The following MLIP variants were observed in gnomAD, a reference collection of about 807,000 sequenced individuals.
The protein encoded by MLIP is muscular LMNA-interacting protein.
MLIP carries 79 observed loss-of-function variants against 84.8 expected under a neutral mutation model. The ratio of observed to expected loss-of-function variants is 0.93; its 90% CI spans 0.78 to 1.12. The LOEUF (loss-of-function observed/expected upper bound fraction) is 1.12, where lower values mean the gene tolerates loss of function less well. Ranked by LOEUF, MLIP falls within the 50% of genes most tolerant of loss-of-function variation. The pLI, the probability that MLIP is intolerant of heterozygous loss-of-function variation, is 0.00. For missense variants in MLIP, 1,257 were observed against 1,160.6 expected (o/e 1.08, Z -1.21); for synonymous variants, 504 against 463.0 (o/e 1.09, Z -1.14).
In MLIP at chr6:54,253,452, C is replaced by T. The variant is rs188955192; in HGVS notation, c.2923-3856C>T. ...ATGTTAAAACTTCCCGTAACACTCC[C>T]TCAGCTTCACAATTTCGGGCAGTCC... On this transcript the variant is annotated intron_variant, in intron 12 of 13. Coordinates refer to ENST00000502396, the MANE Select transcript of MLIP (RefSeq NM_001281747.2). Among the ~76,000 whole-genome samples, 91 of 152,268 alleles carry T rather than the reference C, an allele frequency of 6.0e-4. 1 individual carries two copies. Among genetic ancestry groups the T allele is most frequent in the African/African-American group, 2.1e-3 (89 of 41,552 alleles).
chr6:54,215,036 G>C, intron 11 of MLIP: 1 of 742,332 alleles, frequency 1.3e-6, no homozygotes, highest in Non-Finnish European at 2.2e-6. Context: ...ATTCTAGTAA[G>C]TTCTCAATAT....
intron 9 of MLIP, among the ~76,000 whole-genome samples, chr6:54,173,396 A>T (rs1775963069): frequency 6.6e-6 from 1 of 151,846 alleles, no homozygotes; most frequent in African/African-American, 2.4e-5. Flanking sequence ...CTAAACTTAG[A>T]AGGAATAATT....
intron 12 of MLIP, among the ~76,000 whole-genome samples, chr6:54,252,374 CTATAA>C (rs1782681181): frequency 1.1e-5 from 1 of 93,400 alleles, no homozygotes; most frequent in East Asian, 3.0e-4. Flanking sequence ...TACTATATAA[CTATAA>C]TATATTATAA....
chr6:54,220,701 A>T (rs1175986012), intron 11 of MLIP, among the ~76,000 whole-genome samples: 1 of 150,092 alleles, frequency 6.7e-6, no homozygotes, highest in Non-Finnish European at 1.5e-5. Context: ...AGAAAGTGAC[A>T]TTTGAAATAT....
At chr6:54,050,437 C>T (rs1765311713) in intron 1 of MLIP, among the ~76,000 whole-genome samples, 1 of 152,052 alleles carries the variant, frequency 6.6e-6, no homozygotes, top group Non-Finnish European at 1.5e-5. Flanking sequence ...GTGTTTAGTA[C>T]TCTTTTTTGG....
chr6:54,142,713 A>G (rs1048425347), intron 4 of MLIP, among the ~76,000 whole-genome samples: 1 of 152,208 alleles, frequency 6.6e-6, no homozygotes. Context: ...TCACTGCTAA[A>G]TAAGAATAGA....
At chr6:54,020,100 T>C (rs1763412361) in intron 1 of MLIP, among the ~76,000 whole-genome samples, 1 of 152,232 alleles carries the variant, frequency 6.6e-6, no homozygotes, top group African/African-American at 2.4e-5. Flanking sequence ...AAAGGCCATG[T>C]GTCCTTGTAG....
chr6:54,163,041 A>C (rs1774814996), intron 8 of MLIP, among the ~76,000 whole-genome samples: 1 of 152,002 alleles, frequency 6.6e-6, no homozygotes, highest in Non-Finnish European at 1.5e-5. Flanking sequence ...AGTCTAAAGA[A>C]GTGTTTATTA....
intron 1 of MLIP, among the ~76,000 whole-genome samples, chr6:54,118,120 G>C (rs139538524): frequency 1.3e-5 from 2 of 152,278 alleles, no homozygotes; most frequent in East Asian, 3.9e-4. Context: ...CAGATTCAAC[G>C]CAACTCCTAT....
intron 5 of MLIP, among the ~76,000 whole-genome samples, chr6:54,150,050 G>C (rs1773277454): frequency 6.6e-6 from 1 of 152,054 alleles, no homozygotes; most frequent in African/African-American, 2.4e-5. Context: ...AACGTTGTTT[G>C]CCAACCAGGT....
chr6:54,198,822 G>A (rs546420423), intron 10 of MLIP, among the ~76,000 whole-genome samples: 6 of 152,160 alleles, frequency 3.9e-5, no homozygotes, highest in African/African-American at 1.2e-4. Flanking sequence ...GGAATTTGAT[G>A]TCTTGGCCAT....
At chr6:54,172,509 G>A (rs1002332576) in intron 9 of MLIP, among the ~76,000 whole-genome samples, 1 of 151,534 alleles carries the variant, frequency 6.6e-6, no homozygotes, top group African/African-American at 2.4e-5. Context: ...AAATGAGAAA[G>A]ACACTTTATT....
chr6:54,146,704 C>A (rs1772875784), intron 4 of MLIP, among the ~76,000 whole-genome samples: 1 of 152,166 alleles, frequency 6.6e-6, no homozygotes, highest in South Asian at 2.1e-4. Flanking sequence ...TATATCACTT[C>A]TTATGGTAAG....
chr6:54,249,732 C>CAT lies in MLIP; in HGVS notation c.2923-7575_2923-7574insTA, dbSNP rs761644366. Among the ~76,000 whole-genome samples, 327 of 139,728 alleles carry CAT rather than the reference C, an allele frequency of 2.3e-3. 1 individual carries two copies. The highest frequency in any genetic ancestry group is 8.5e-3 in the African/African-American group (282 of 33,368). The allele number at this position is 139,728 out of a possible 152,430, so 91.7% of individuals were successfully genotyped here. ...AGGAACACACACACACACACACACA[C>CAT]ACATATATATATATACACACACACA... On this transcript the variant is annotated intron_variant, in intron 12 of 13. Coordinates refer to ENST00000502396, the MANE Select transcript of MLIP (RefSeq NM_001281747.2).
At chr6:54,188,021 A>G (rs1270563939) in intron 9 of MLIP, among the ~76,000 whole-genome samples, 1 of 152,184 alleles carries the variant, frequency 6.6e-6, no homozygotes, top group African/African-American at 2.4e-5. Context: ...AAAAAAATGT[A>G]TATACATTAA....
chr6:54,141,061 T>C (rs1256935084), intron 4 of MLIP, among the ~76,000 whole-genome samples: 3 of 152,134 alleles, frequency 2.0e-5, no homozygotes, highest in Non-Finnish European at 1.5e-5. Context: ...GGATATTAGT[T>C]TAAAGTCTGG....
chr6:54,049,143 A>G (rs1416036006), intron 1 of MLIP, among the ~76,000 whole-genome samples: 1 of 152,200 alleles, frequency 6.6e-6, no homozygotes, highest in African/African-American at 2.4e-5. Context: ...GACCTTGGCT[A>G]ATGAACTAGA....
chr6:54,165,736 T>A (rs1775112269), intron 8 of MLIP, among the ~76,000 whole-genome samples: 1 of 151,868 alleles, frequency 6.6e-6, no homozygotes, highest in Non-Finnish European at 1.5e-5. Context: ...AAGTACTAAT[T>A]CTAGAGAAGA....
intron 1 of MLIP, among the ~76,000 whole-genome samples, chr6:54,093,329 A>AATTCTATTCTATTCTATTCTATTCT (rs70980891): frequency 0.018 from 2,353 of 134,040 alleles, 37 homozygotes; most frequent in Middle Eastern, 0.026. Context: ...TTTTCGATTA[A>AATTCTATTCTATTCTATTCTATTCT]ATTCTATTCT....
Sources: allele counts gnomAD v4.1 joint callset (sites outside exome capture counted in the v4.1 genomes callset), GRCh38; gene constraint gnomAD v4.1.1; transcripts MANE v1.5; gene names NCBI Gene and HGNC (gene_info 2026-07-23, HGNC 2026-07-21).